Variants in HPSE2 observed in about 807,000 individuals in gnomAD.
The protein encoded by HPSE2 is inactive heparanase-2.
HPSE2 carries 38 observed loss-of-function variants against 60.5 expected under a neutral mutation model. That is an observed-to-expected ratio of 0.63 (90% CI 0.48 to 0.82). The LOEUF is 0.82. HPSE2 is among the 40% of genes least tolerant of loss of function. The pLI, the probability that HPSE2 is intolerant of heterozygous loss-of-function variation, is 0.00. For synonymous variants in HPSE2, 295 were observed against 293.2 expected (o/e 1.01, Z -0.06); for missense variants, 713 against 740.4 (o/e 0.96, Z 0.43).
At chr10:99,124,735 G>C (rs1269868952) in intron 3 of HPSE2, among the ~76,000 whole-genome samples, 2 of 152,238 alleles carry the variant, frequency 1.3e-5, no homozygotes, top group Non-Finnish European at 2.9e-5. Context: ...GAGCCTGCTG[G>C]GGCAGAGGAG....
chr10:99,043,506 C>A (rs1002507609), intron 3 of HPSE2, among the ~76,000 whole-genome samples: 1 of 151,994 alleles, frequency 6.6e-6, no homozygotes, highest in Non-Finnish European at 1.5e-5. Flanking sequence ...AACAAACAAA[C>A]AAACAAACAA....
chr10:99,243,867 T>C, the HPSE2 span, among the ~76,000 whole-genome samples: 1 of 151,598 alleles, frequency 6.6e-6, no homozygotes, highest in Admixed American at 6.6e-5. Context: ...ACCTGGGAGG[T>C]GGAGGTTGCA....
chr10:99,131,685 C>A (rs967850721), intron 3 of HPSE2, among the ~76,000 whole-genome samples: 1 of 152,048 alleles, frequency 6.6e-6, no homozygotes, highest in Non-Finnish European at 1.5e-5. Context: ...TAAGTTGGAA[C>A]TAAGTTATGA....
chr10:98,604,893 G>C (rs1161251425), intron 9 of HPSE2, among the ~76,000 whole-genome samples: 1 of 152,178 alleles, frequency 6.6e-6, no homozygotes, highest in Non-Finnish European at 1.5e-5. Flanking sequence ...CAATGAGTGA[G>C]TTGGTGTCAG....
chr10:99,278,273 G>T, the HPSE2 span, among the ~76,000 whole-genome samples: 1 of 151,982 alleles, frequency 6.6e-6, no homozygotes, highest in Non-Finnish European at 1.5e-5. Flanking sequence ...TCTTTATAGT[G>T]TTCTATATTT....
intron 3 of HPSE2, among the ~76,000 whole-genome samples, chr10:98,823,455 C>T (rs955269062): frequency 2.6e-5 from 4 of 151,992 alleles, no homozygotes; most frequent in African/African-American, 9.7e-5. Context: ...CCAATCTCTA[C>T]AAAAACTAGA....
rs1943892890 is a variant in HPSE2, at chr10:98,552,541, A to G, written c.1321-62345T>C. Among the ~76,000 whole-genome samples the G allele has an allele frequency of 3.3e-5, 5 of 152,200 alleles. No homozygotes were observed. In the South Asian group the frequency reaches 1.0e-3, roughly 31 times the overall value. On this transcript the variant is annotated intron_variant, in intron 9 of 11. Coordinates refer to ENST00000370552, the MANE Select transcript of HPSE2 (RefSeq NM_021828.5). ...ACAGAAGTGAATGATCTAAGAATGT[A>G]TGGACCTACAGTATATAAAAAACAG...
chr10:99,303,262 G>A, the HPSE2 span, among the ~76,000 whole-genome samples: 107 of 152,254 alleles, frequency 7.0e-4, no homozygotes, highest in African/African-American at 2.5e-3. Flanking sequence ...GCCCTTTCAT[G>A]TGTAAAGATG....
At chr10:98,790,684 G>C (rs1478544487) in intron 3 of HPSE2, among the ~76,000 whole-genome samples, 1 of 152,152 alleles carries the variant, frequency 6.6e-6, no homozygotes, top group Admixed American at 6.5e-5. Flanking sequence ...GGATATGTTA[G>C]CTTTACTGAA....
chr10:98,645,430 T>C (rs1449348296), intron 6 of HPSE2, among the ~76,000 whole-genome samples: 1 of 152,200 alleles, frequency 6.6e-6, no homozygotes, highest in Admixed American at 6.5e-5. Context: ...TTCTAAAATA[T>C]GGCCCTGGGC....
At chr10:98,525,360 TC>T (rs1036154699) in intron 9 of HPSE2, among the ~76,000 whole-genome samples, 5 of 152,098 alleles carry the variant, frequency 3.3e-5, no homozygotes, top group African/African-American at 1.2e-4. Flanking sequence ...GCCCATTTAG[TC>T]CCCACCCAAA....
intron 3 of HPSE2, among the ~76,000 whole-genome samples, chr10:98,996,737 T>G (rs908300583): frequency 6.6e-6 from 1 of 152,160 alleles, no homozygotes; most frequent in African/African-American, 2.4e-5. Context: ...ATCAAAAACA[T>G]TATGCCAAGT....
chr10:98,727,676 C>CA (rs1465203742), intron 4 of HPSE2, among the ~76,000 whole-genome samples: 14 of 142,006 alleles, frequency 9.9e-5, no homozygotes, highest in Non-Finnish European at 2.0e-4. Context: ...AAAACAACAA[C>CA]AACAAAAAAA....
intron 11 of HPSE2, among the ~76,000 whole-genome samples, chr10:98,470,611 A>G (rs1283248876): frequency 6.6e-6 from 1 of 152,236 alleles, no homozygotes; most frequent in African/African-American, 2.4e-5. Flanking sequence ...GAAGAAGAAG[A>G]CGAGGGCCAT....
intron 3 of HPSE2, among the ~76,000 whole-genome samples, chr10:99,103,507 T>C (rs930885914): frequency 6.6e-6 from 1 of 152,134 alleles, no homozygotes; most frequent in Admixed American, 6.5e-5. Context: ...TGGAAGAACA[T>C]TCCATGCTCA....
chr10:99,096,837 CA>C (rs1050842243), intron 3 of HPSE2, among the ~76,000 whole-genome samples: 2 of 152,036 alleles, frequency 1.3e-5, no homozygotes, highest in African/African-American at 4.8e-5. Context: ...TGTTCAGGAG[CA>C]AAGGGGAATC....
rs148346592 is a variant in HPSE2 at position 98,607,054 on chromosome 10, T to TCTCC, written c.1320+7846_1320+7849dup. Among the ~76,000 whole-genome samples, 154 of 144,120 alleles carry TCTCC rather than the reference T, an allele frequency of 1.1e-3. 1 individual carries two copies. Among genetic ancestry groups the TCTCC allele is most frequent in the African/African-American group, 3.8e-3 (144 of 37,976 alleles). The allele number at this position is 144,120 out of a possible 152,430, so 94.5% of individuals were successfully genotyped here. ...CTTCCTGCTTTCCTTTCTTTTTCTT[T>TCTCC]CTCCCTCCCTCCCTCCCTCCCTCTC... On this transcript the variant is annotated intron_variant, in intron 9 of 11. Transcript: ENST00000370552.
chr10:99,181,247 A>C (rs1455849891), intron 2 of HPSE2, among the ~76,000 whole-genome samples: 3 of 149,436 alleles, frequency 2.0e-5, no homozygotes, highest in Non-Finnish European at 4.5e-5. Flanking sequence ...AAATACAAAA[A>C]ATTAGCCGGG....
intron 3 of HPSE2, among the ~76,000 whole-genome samples, chr10:98,873,868 G>C (rs113353343): frequency 0.019 from 2,897 of 152,032 alleles, 99 homozygotes; most frequent in East Asian, 0.15. Context: ...TCACAGCCTT[G>C]ACAGCATCTA....
Sources: gnomAD v4.1 joint callset for allele counts (sites outside exome capture counted in the v4.1 genomes callset) on GRCh38, gnomAD v4.1.1 for gene constraint, MANE v1.5 for transcripts, NCBI Gene and HGNC (gene_info 2026-07-23, HGNC 2026-07-21) for gene names.